DLG2: variants seen among roughly 807,000 people sequenced by gnomAD.
DLG2 encodes the protein disks large homolog 2.
Under a neutral mutation model 132.5 loss-of-function variants are expected in DLG2, and 45 were observed. The observed-to-expected ratio is 0.34, with a 90% CI of 0.27 to 0.44. DLG2 has a LOEUF of 0.44. Ranked by LOEUF, DLG2 falls within the 20% of genes least tolerant of loss-of-function variation. The pLI is 1.00. For synonymous variants in DLG2, 424 were observed against 419.6 expected (o/e 1.01, Z -0.13); for missense variants, 1,045 against 1,196.9 (o/e 0.87, Z 1.87).
At chr11:84,268,273 A>G (rs1481072286) in intron 7 of DLG2, among the ~76,000 whole-genome samples, 1 of 151,880 alleles carries the variant, frequency 6.6e-6, no homozygotes, top group Non-Finnish European at 1.5e-5. Context: ...TGCTGCATTT[A>G]CCATGGTTTG....
chr11:84,652,744 C>T (rs966716229), intron 6 of DLG2, among the ~76,000 whole-genome samples: 1 of 152,082 alleles, frequency 6.6e-6, no homozygotes, highest in Non-Finnish European at 1.5e-5. Context: ...AACCTTTTAA[C>T]TATTATTGTT....
At chr11:85,143,883 G>C (rs1167686497) in intron 5 of DLG2, among the ~76,000 whole-genome samples, 1 of 151,778 alleles carries the variant, frequency 6.6e-6, no homozygotes, top group African/African-American at 2.4e-5. Flanking sequence ...TGTGCTGAAA[G>C]AAAGAATGTG....
At chr11:83,656,399 CA>C (rs1163763731) in intron 18 of DLG2, among the ~76,000 whole-genome samples, 1 of 152,160 alleles carries the variant, frequency 6.6e-6, no homozygotes, top group African/African-American at 2.4e-5. Context: ...TTCTCTCCAG[CA>C]ATCTTAGCCT....
chr11:84,331,148 T>A (rs1600037864), intron 7 of DLG2, among the ~76,000 whole-genome samples: 1 of 152,214 alleles, frequency 6.6e-6, no homozygotes, highest in Non-Finnish European at 1.5e-5. Context: ...AATTTATGTA[T>A]ACTCCATTTC....
At chr11:84,908,266 T>C (rs930331717) in intron 6 of DLG2, among the ~76,000 whole-genome samples, 2 of 152,174 alleles carry the variant, frequency 1.3e-5, no homozygotes, top group Non-Finnish European at 2.9e-5. Flanking sequence ...ATATACAAAA[T>C]ATTATCAATT....
chr11:83,460,621 T>C (rs1404517151), intron 27 of DLG2, among the ~76,000 whole-genome samples: 4 of 152,224 alleles, frequency 2.6e-5, no homozygotes, highest in Non-Finnish European at 4.4e-5. Context: ...GTACATTTTA[T>C]TGTCTCATTT....
chr11:85,422,902 G>C (rs2090431109), intron 3 of DLG2, among the ~76,000 whole-genome samples: 1 of 151,818 alleles, frequency 6.6e-6, no homozygotes, highest in South Asian at 2.1e-4. Flanking sequence ...GTGCCTCCCT[G>C]ATTAGATTAA....
chr11:83,852,996 A>G (rs1346033416), intron 16 of DLG2, among the ~76,000 whole-genome samples: 1 of 152,202 alleles, frequency 6.6e-6, no homozygotes, highest in Non-Finnish European at 1.5e-5. Flanking sequence ...CTTTAGTCAC[A>G]GCAAAATCTG....
At chr11:83,964,947 C>T (rs1040844772) in intron 13 of DLG2, among the ~76,000 whole-genome samples, 1 of 151,936 alleles carries the variant, frequency 6.6e-6, no homozygotes, top group African/African-American at 2.4e-5. Context: ...GTCTATTTGC[C>T]AGTCTCTTTT....
At chr11:85,451,975 T>C (rs997655937) in intron 3 of DLG2, among the ~76,000 whole-genome samples, 1 of 152,172 alleles carries the variant, frequency 6.6e-6, no homozygotes. Flanking sequence ...AATTTCTTTT[T>C]TTTATTTCAG....
chr11:84,845,557 C>G (rs570273339), intron 6 of DLG2, among the ~76,000 whole-genome samples: 1 of 152,128 alleles, frequency 6.6e-6, no homozygotes, highest in African/African-American at 2.4e-5. Context: ...TCTTATAGAT[C>G]ATTGATGAAA....
intron 6 of DLG2, among the ~76,000 whole-genome samples, chr11:84,827,977 A>G (rs1213020197): frequency 6.6e-6 from 1 of 151,810 alleles, no homozygotes; most frequent in African/African-American, 2.4e-5. Context: ...CATAATGTAG[A>G]TATATGCCAT....
chr11:84,861,868 G>A (rs11234219), intron 6 of DLG2, among the ~76,000 whole-genome samples: 40,251 of 151,702 alleles, frequency 0.27, 5,782 homozygotes, highest in Middle Eastern at 0.33. Flanking sequence ...GCTCATCATC[G>A]AGTTCATGTC....
intron 3 of DLG2, among the ~76,000 whole-genome samples, chr11:85,481,661 C>T (rs2093294351): frequency 6.6e-6 from 1 of 152,154 alleles, no homozygotes; most frequent in African/African-American, 2.4e-5. Flanking sequence ...CAGGCTGCCC[C>T]ATGACCAGGC....
chr11:83,659,592 A>G (rs1239072807), intron 18 of DLG2, among the ~76,000 whole-genome samples: 1 of 152,174 alleles, frequency 6.6e-6, no homozygotes, highest in African/African-American at 2.4e-5. Context: ...TAACATGTCA[A>G]TGGGGCTCTG....
intron 6 of DLG2, among the ~76,000 whole-genome samples, chr11:85,020,270 G>A (rs1349058798): frequency 6.6e-6 from 1 of 152,154 alleles, no homozygotes; most frequent in Admixed American, 6.5e-5. Flanking sequence ...GTCTTCTTTT[G>A]AGAAGTGTCT....
At position 84,698,844 on chromosome 11, in the gene DLG2, T is replaced by C. The variant is rs557481091; in HGVS notation, c.358-164113A>G. On this transcript the variant is annotated intron_variant, in intron 6 of 27. Coordinates refer to ENST00000376104, the MANE Select transcript of DLG2 (RefSeq NM_001142699.3). ...ATCACTGTTGAATTCTTACAGGACA[T>C]TTTAGGTAGTTCTGAAAATACATTG... 9.0e-4 allele frequency among the ~76,000 whole-genome samples: 137 copies of C among 151,704 alleles called. 1 individual carries two copies. Among genetic ancestry groups the C allele is most frequent in the Middle Eastern group, 3.4e-3 (1 of 294 alleles).
At chr11:83,818,922 T>C (rs1400310) in intron 17 of DLG2, among the ~76,000 whole-genome samples, 109,017 of 152,082 alleles carry the variant, frequency 0.72, 40,075 homozygotes, top group Middle Eastern at 0.88. Flanking sequence ...CTGACGTTCA[T>C]TTTTAAGTTT....
intron 6 of DLG2, among the ~76,000 whole-genome samples, chr11:84,557,178 T>G (rs1027628250): frequency 1.3e-5 from 2 of 152,192 alleles, no homozygotes; most frequent in African/African-American, 4.8e-5. Flanking sequence ...GTAGTTGTGG[T>G]TAACATCTAC....
Sources: gnomAD v4.1 joint callset for allele counts (sites outside exome capture counted in the v4.1 genomes callset) on GRCh38, gnomAD v4.1.1 for gene constraint, MANE v1.5 for transcripts, NCBI Gene and HGNC (gene_info 2026-07-23, HGNC 2026-07-21) for gene names.